Variants in ZNF892 observed in about 807,000 individuals in gnomAD.
ZNF892 encodes zinc finger protein 892, also known as zinc finger protein 570-like.
the ZNF892 span, among the ~76,000 whole-genome samples, chr2:95,233,651 C>A: frequency 9.0e-6 from 1 of 111,334 alleles, no homozygotes; most frequent in South Asian, 3.1e-4. Flanking sequence ...CCAACCTGGG[C>A]GACAGAGCGA....
At chr2:95,217,600 T>C in the ZNF892 span, among the ~76,000 whole-genome samples, 10 of 152,286 alleles carry the variant, frequency 6.6e-5, no homozygotes, top group Non-Finnish European at 1.0e-4. Context: ...CTGGACATAA[T>C]GTAGGCATTC....
chr2:95,221,740 G>A, the ZNF892 span, among the ~76,000 whole-genome samples: 2 of 152,024 alleles, frequency 1.3e-5, no homozygotes, highest in Non-Finnish European at 2.9e-5. Context: ...TTCTAGAGAT[G>A]TGTCAACTTT....
the ZNF892 span, among the ~76,000 whole-genome samples, chr2:95,257,487 G>T: frequency 1.3e-5 from 2 of 152,130 alleles, no homozygotes; most frequent in Admixed American, 6.5e-5. Context: ...CCTACTGGGG[G>T]GTGACTCCCA....
the ZNF892 span, among the ~76,000 whole-genome samples, chr2:95,230,579 A>G: frequency 1.3e-5 from 2 of 152,138 alleles, no homozygotes; most frequent in African/African-American, 4.8e-5. Flanking sequence ...CATTGGGAAC[A>G]TTGTCTCCCA....
chr2:95,261,837 C>T, the ZNF892 span, among the ~76,000 whole-genome samples: 1 of 152,170 alleles, frequency 6.6e-6, no homozygotes, highest in Non-Finnish European at 1.5e-5. Context: ...CCGGGAGTTC[C>T]TCATTTGCGA....
At chr2:95,241,053 G>A in the ZNF892 span, among the ~76,000 whole-genome samples, 6 of 152,284 alleles carry the variant, frequency 3.9e-5, no homozygotes, top group South Asian at 2.1e-4. Context: ...TGATTTGGTC[G>A]ACTCAGCCAT....
chr2:95,241,426 AAAAC>A, the ZNF892 span, among the ~76,000 whole-genome samples: 15 of 152,376 alleles, frequency 9.8e-5, no homozygotes, highest in South Asian at 4.1e-4. Context: ...TATTAAAAGA[AAAAC>A]AAACAAACAG....
the ZNF892 span, among the ~76,000 whole-genome samples, chr2:95,226,577 G>A: frequency 6.8e-4 from 103 of 152,238 alleles, no homozygotes; most frequent in African/African-American, 2.4e-3. Context: ...GATTCTGGAA[G>A]GCCTGTGTTG....
chr2:95,246,223 G>A, the ZNF892 span, among the ~76,000 whole-genome samples: 2 of 152,134 alleles, frequency 1.3e-5, no homozygotes, highest in African/African-American at 4.8e-5. Context: ...ATGCAAATCA[G>A]TAAATGTGAT....
the ZNF892 span, among the ~76,000 whole-genome samples, chr2:95,263,244 C>T: frequency 6.6e-6 from 1 of 152,192 alleles, no homozygotes; most frequent in African/African-American, 2.4e-5. Context: ...GGCCTCAGTC[C>T]TACAGCTACA....
At chr2:95,215,116 A>C in the ZNF892 span, 1 of 496,682 alleles carries the variant, frequency 2.0e-6, no homozygotes, top group Non-Finnish European at 3.6e-6. Flanking sequence ...GAGAAACCTT[A>C]TAAGTGTAAC....
the ZNF892 span, among the ~76,000 whole-genome samples, chr2:95,234,589 A>G: frequency 1.3e-5 from 2 of 152,194 alleles, no homozygotes; most frequent in East Asian, 3.9e-4. Flanking sequence ...CTATCCAATG[A>G]GGGTTCCATA....
the ZNF892 span, among the ~76,000 whole-genome samples, chr2:95,254,806 T>C: frequency 2.0e-5 from 3 of 152,342 alleles, no homozygotes; most frequent in Non-Finnish European, 4.4e-5. Flanking sequence ...TGGTTTAGAC[T>C]TGGGAGGGTG....
At chr2:95,218,615 A>G in the ZNF892 span, among the ~76,000 whole-genome samples, 11 of 152,330 alleles carry the variant, frequency 7.2e-5, no homozygotes, top group East Asian at 2.1e-3. Context: ...TATTTGTTAC[A>G]GCAGCATCCC....
chr2:95,259,960 CCAGGGAGGAGCCG>C, the ZNF892 span, among the ~76,000 whole-genome samples: 3 of 152,194 alleles, frequency 2.0e-5, no homozygotes, highest in Non-Finnish European at 4.4e-5. Flanking sequence ...CCTGACACCA[CCAGGGAGGAGCCG>C]CACTTAACCC....
the ZNF892 span, among the ~76,000 whole-genome samples, chr2:95,209,138 T>C: frequency 1.3e-5 from 2 of 152,324 alleles, no homozygotes; most frequent in South Asian, 4.1e-4. Flanking sequence ...AAAGAGTTTT[T>C]TTTTATCATC....
chr2:95,207,227 T>C, the ZNF892 span, among the ~76,000 whole-genome samples: 1 of 152,298 alleles, frequency 6.6e-6, no homozygotes, highest in East Asian at 1.9e-4. Flanking sequence ...CCGGGAAGGA[T>C]CCTGCGTAGG....
At chr2:95,243,759 G>T in the ZNF892 span, among the ~76,000 whole-genome samples, 18 of 152,024 alleles carry the variant, frequency 1.2e-4, no homozygotes, top group African/African-American at 4.3e-4. Flanking sequence ...CCCCGTCCGG[G>T]AGGTGAGGGG....
chr2:95,262,517 A>G, the ZNF892 span, among the ~76,000 whole-genome samples: 17 of 152,316 alleles, frequency 1.1e-4, 1 homozygote, highest in South Asian at 3.5e-3. Context: ...GGCTGTTTAA[A>G]GGAAGTTGAG....
Sources: gnomAD v4.1 joint callset for allele counts (sites outside exome capture counted in the v4.1 genomes callset) on GRCh38, gnomAD v4.1.1 for gene constraint, MANE v1.5 for transcripts, NCBI Gene and HGNC (gene_info 2026-07-23, HGNC 2026-07-21) for gene names.